The following SLC44A5 variants were observed in gnomAD, a reference collection of about 807,000 sequenced individuals.
The protein encoded by SLC44A5 is choline transporter-like protein 5.
Under a neutral mutation model 101.8 loss-of-function variants are expected in SLC44A5, and 57 were observed. That is an observed-to-expected ratio of 0.56 (90% CI 0.45 to 0.70). The LOEUF (loss-of-function observed/expected upper bound fraction) is 0.70. Among genes scored for constraint, SLC44A5 ranks in the 30% least tolerant of loss-of-function variants. The probability of loss-of-function intolerance (pLI) is 0.00; values close to 1 mark genes in which losing one functional copy is unlikely to be tolerated. For missense variants in SLC44A5, 737 were observed against 853.1 expected (o/e 0.86, Z 1.70); for synonymous variants, 281 against 290.9 (o/e 0.97, Z 0.35).
chr1:75,617,003 C>A, the SLC44A5 span, among the ~76,000 whole-genome samples: 1 of 152,050 alleles, frequency 6.6e-6, no homozygotes, highest in Admixed American at 6.6e-5. Context: ...GTCCTCCCCT[C>A]GCGTGCTGAT....
At chr1:75,401,836 T>C (rs544834548) in intron 2 of SLC44A5, among the ~76,000 whole-genome samples, 1 of 152,284 alleles carries the variant, frequency 6.6e-6, no homozygotes, top group African/African-American at 2.4e-5. Flanking sequence ...GTAACAGTAT[T>C]CTGGGCATCA....
rs950690366 is a variant in SLC44A5, at chr1:75,243,134, A to G, written c.346-123T>C. Reference sequence around the variant, plus strand: ...CAATGCACTGTTTTCCATCTAAGAAACCTAAATCAATTTCCTTGCTCTCTC... The same window carrying G: ...CAATGCACTGTTTTCCATCTAAGAAGCCTAAATCAATTTCCTTGCTCTCTC... On this transcript the variant is annotated intron_variant, in intron 7 of 23. Transcript: ENST00000370859. 2.0e-5 allele frequency: 23 copies of G among 1,179,282 alleles called. 1 individual carries two copies. The South Asian group carries it at 3.4e-4, about 17-fold the overall frequency. The allele number at this position is 1,179,282 out of a possible 1,614,324, so 73.1% of individuals were successfully genotyped here.
the SLC44A5 span, chr1:75,710,048 A>G: frequency 1.3e-5 from 2 of 152,208 alleles, no homozygotes; most frequent in African/African-American, 4.8e-5. Flanking sequence ...ATGCAAATTC[A>G]TCTACAGTGA....
At chr1:75,680,042 A>G in the SLC44A5 span, among the ~76,000 whole-genome samples, 1 of 152,240 alleles carries the variant, frequency 6.6e-6, no homozygotes, top group Non-Finnish European at 1.5e-5. Flanking sequence ...TAAAGGGATC[A>G]ATTCAACAAG....
intron 1 of SLC44A5, among the ~76,000 whole-genome samples, chr1:75,588,547 G>A (rs774306940): frequency 1.3e-5 from 2 of 152,088 alleles, no homozygotes; most frequent in Non-Finnish European, 2.9e-5. Flanking sequence ...AAAGAAAATG[G>A]TTAGGTTCTG....
At chr1:75,346,928 T>G (rs2101054841) in intron 3 of SLC44A5, among the ~76,000 whole-genome samples, 1 of 152,260 alleles carries the variant, frequency 6.6e-6, no homozygotes, top group South Asian at 2.1e-4. Flanking sequence ...ACGAACAGCA[T>G]ACGCATTCGC....
chr1:75,539,101 C>A (rs1671209335), intron 2 of SLC44A5, among the ~76,000 whole-genome samples: 2 of 152,166 alleles, frequency 1.3e-5, no homozygotes, highest in South Asian at 4.1e-4. Flanking sequence ...AATAGTCTAT[C>A]CCCTGACGAA....
intron 14 of SLC44A5, among the ~76,000 whole-genome samples, chr1:75,221,814 G>GT: frequency 6.6e-6 from 1 of 152,160 alleles, no homozygotes; most frequent in East Asian, 1.9e-4. Context: ...GACTAAATAG[G>GT]TTTTACCCTT....
At chr1:75,408,467 T>C (rs1372952135) in intron 2 of SLC44A5, among the ~76,000 whole-genome samples, 1 of 152,136 alleles carries the variant, frequency 6.6e-6, no homozygotes, top group Non-Finnish European at 1.5e-5. Context: ...CCAACCCAAA[T>C]GCCCATCAAT....
chr1:75,700,642 G>A, the SLC44A5 span, among the ~76,000 whole-genome samples: 34 of 152,120 alleles, frequency 2.2e-4, no homozygotes, highest in African/African-American at 8.0e-4. Flanking sequence ...CAGAAGGCAA[G>A]AAATATCTAA....
intron 3 of SLC44A5, among the ~76,000 whole-genome samples, chr1:75,363,543 T>C (rs1271356156): frequency 2.0e-5 from 3 of 152,100 alleles, no homozygotes; most frequent in African/African-American, 7.2e-5. Context: ...TCTAATTGCA[T>C]ACAAAAATTC....
chr1:75,527,255 A>C (rs111436808), intron 2 of SLC44A5, among the ~76,000 whole-genome samples: 1,918 of 150,816 alleles, frequency 0.013, 41 homozygotes, highest in African/African-American at 0.045. Context: ...AGAGAGAAGG[A>C]AAGAGAGAGA....
At chr1:75,350,637 G>A (rs571319147) in intron 3 of SLC44A5, among the ~76,000 whole-genome samples, 7 of 151,870 alleles carry the variant, frequency 4.6e-5, no homozygotes, top group East Asian at 1.9e-4. Flanking sequence ...GCTCACGCCT[G>A]TAATCCCAAC....
intron 4 of SLC44A5, among the ~76,000 whole-genome samples, chr1:75,329,198 CTGAGGCTT>C (rs1656836441): frequency 1.3e-5 from 2 of 152,178 alleles, no homozygotes. Flanking sequence ...TGCTGGATAG[CTGAGGCTT>C]TGTTGGACCT....
chr1:75,395,251 A>T (rs2101389251), intron 3 of SLC44A5, among the ~76,000 whole-genome samples: 1 of 152,280 alleles, frequency 6.6e-6, no homozygotes, highest in East Asian at 1.9e-4. Flanking sequence ...ATACTGAGCA[A>T]AAAACATTAT....
intron 2 of SLC44A5, among the ~76,000 whole-genome samples, chr1:75,406,948 A>T (rs1315785882): frequency 1.3e-5 from 2 of 152,158 alleles, no homozygotes; most frequent in Non-Finnish European, 2.9e-5. Context: ...ATGATTGTAT[A>T]TTTAGAAAAC....
chr1:75,339,427 C>T (rs924732388), intron 4 of SLC44A5, among the ~76,000 whole-genome samples, 155 bp downstream of exon 4: 1 of 152,022 alleles, frequency 6.6e-6, no homozygotes, highest in African/African-American at 2.4e-5. Context: ...CTGTACTTTC[C>T]CTGTGTAAAT....
chr1:75,417,596 T>C (rs4540592), intron 2 of SLC44A5, among the ~76,000 whole-genome samples: 12,801 of 152,326 alleles, frequency 0.084, 767 homozygotes, highest in Admixed American at 0.18. Flanking sequence ...GGAAGACTGA[T>C]GATTAATTTA....
At chr1:75,641,055 C>CA in the SLC44A5 span, among the ~76,000 whole-genome samples, 1 of 151,950 alleles carries the variant, frequency 6.6e-6, no homozygotes, top group South Asian at 2.1e-4. Context: ...AAGTCTTCCC[C>CA]AAAAAGGACA....
Sources: gnomAD v4.1 joint callset for allele counts (sites outside exome capture counted in the v4.1 genomes callset) on GRCh38, gnomAD v4.1.1 for gene constraint, MANE v1.5 for transcripts, NCBI Gene and HGNC (gene_info 2026-07-23, HGNC 2026-07-21) for gene names.